MAGI2: variants seen among roughly 807,000 people sequenced by gnomAD.
The protein encoded by MAGI2 is membrane associated guanylate kinase, WW and PDZ domain containing 2.
In MAGI2, 35 loss-of-function variants were observed where a neutral mutation model predicts 133.3. The observed-to-expected ratio is 0.26, with a 90% CI of 0.20 to 0.35. The LOEUF (loss-of-function observed/expected upper bound fraction) is 0.35, where lower values mean the gene tolerates loss of function less well. Among genes scored for constraint, MAGI2 ranks in the 10% least tolerant of loss-of-function variants. MAGI2 has a pLI of 1.00. For synonymous variants in MAGI2, 729 were observed against 710.6 expected (o/e 1.03, Z -0.41); for missense variants, 1,636 against 1,863.4 (o/e 0.88, Z 2.25).
At chr7:78,917,513 T>C (rs1200503600) in intron 2 of MAGI2, among the ~76,000 whole-genome samples, 1 of 152,096 alleles carries the variant, frequency 6.6e-6, no homozygotes, top group Non-Finnish European at 1.5e-5. Context: ...GATGCATCTG[T>C]TCTTCCCGGT....
chr7:79,194,773 G>A (rs1827939608), intron 1 of MAGI2, among the ~76,000 whole-genome samples: 1 of 150,964 alleles, frequency 6.6e-6, no homozygotes, highest in South Asian at 2.1e-4. Flanking sequence ...TAGGTCTTCA[G>A]TTTGAAGACT....
intron 16 of MAGI2, among the ~76,000 whole-genome samples, chr7:78,149,667 CTA>C (rs1297109045): frequency 6.6e-6 from 1 of 152,200 alleles, no homozygotes; most frequent in East Asian, 1.9e-4. Flanking sequence ...TGCCAGAAAA[CTA>C]TAAGAACAAA....
intron 2 of MAGI2, among the ~76,000 whole-genome samples, chr7:78,629,938 C>A (rs191828284): frequency 1.3e-5 from 2 of 151,748 alleles, no homozygotes; most frequent in East Asian, 3.9e-4. Context: ...ATTTCTTTTC[C>A]TTTGCTTTTA....
Position 78,349,484 on chromosome 7 carries a change from C to T in MAGI2, c.1104-3441G>A, listed in dbSNP as rs183402194. The stretch of plus-strand genomic sequence containing the variant: ...ATGCAGTTATGCATACAACCCAGTT[C>T]CTCCAACTTTCCACCTGCATGTAAT... On this transcript the variant is annotated intron_variant, in intron 7 of 21. Coordinates refer to ENST00000354212, the MANE Select transcript of MAGI2 (RefSeq NM_012301.4). 1.3e-3 allele frequency among the ~76,000 whole-genome samples: 199 copies of T among 152,262 alleles called. 1 individual carries two copies. Among genetic ancestry groups the T allele is most frequent in the African/African-American group, 4.6e-3 (190 of 41,558 alleles).
At chr7:78,265,081 T>A (rs754524017) in intron 9 of MAGI2, among the ~76,000 whole-genome samples, 34 of 124,776 alleles carry the variant, frequency 2.7e-4, no homozygotes, top group Non-Finnish European at 4.9e-4. Flanking sequence ...TAAAAGCTTG[T>A]TTTTTTTTTT....
intron 2 of MAGI2, among the ~76,000 whole-genome samples, chr7:78,939,687 T>A (rs577408489): frequency 6.6e-6 from 1 of 152,302 alleles, no homozygotes; most frequent in South Asian, 2.1e-4. Flanking sequence ...TGAAACTTTG[T>A]GGGATGGGGA....
chr7:78,173,032 C>G (rs1360524135), intron 14 of MAGI2, among the ~76,000 whole-genome samples: 1 of 152,176 alleles, frequency 6.6e-6, no homozygotes, highest in Non-Finnish European at 1.5e-5. Flanking sequence ...TTAAATCATT[C>G]AAATGAAGGA....
In MAGI2 at chr7:78,647,182, G is replaced by C. The variant is rs141806688; in HGVS notation, c.419-19943C>G. Among the ~76,000 whole-genome samples, 799 of 152,180 alleles carry C rather than the reference G, an allele frequency of 5.3e-3. 6 individuals carry two copies. Among genetic ancestry groups the C allele is most frequent in the African/African-American group, 0.018 (742 of 41,526 alleles). On this transcript the variant is annotated intron_variant, in intron 2 of 21. Transcript: ENST00000354212. ...TAAACTAAAGAGCTTCTGCACAGCA[G>C]AACTATTATCAGAGTGAACAGGCAA...
intron 2 of MAGI2, among the ~76,000 whole-genome samples, chr7:78,711,965 A>G (rs901738341): frequency 1.3e-5 from 2 of 152,130 alleles, no homozygotes; most frequent in African/African-American, 4.8e-5. Context: ...TAAGCTTTCT[A>G]TCTTTCTTAT....
At position 79,009,364 on chromosome 7, in the gene MAGI2, A is replaced by G. The variant is rs140939438; in HGVS notation, c.302-2158T>C. Among the ~76,000 whole-genome samples, 351 of 152,246 alleles carry G rather than the reference A, an allele frequency of 2.3e-3. 1 individual carries two copies. The highest frequency in any genetic ancestry group is 8.3e-3 in the African/African-American group (343 of 41,572). On this transcript the variant is annotated intron_variant, in intron 1 of 21. Transcript: ENST00000354212. Reference sequence around the variant, plus strand: ...GAACTGTCGAAACTTTTAAGAATCAATATAAAATTTCCTTCACTAATTAAA... The same window carrying G: ...GAACTGTCGAAACTTTTAAGAATCAGTATAAAATTTCCTTCACTAATTAAA...
chr7:78,481,607 T>C (rs1444404135), intron 6 of MAGI2, among the ~76,000 whole-genome samples: 2 of 151,712 alleles, frequency 1.3e-5, no homozygotes, highest in East Asian at 1.9e-4. Flanking sequence ...AACCCATAGA[T>C]GAACAGAATC....
chr7:78,985,774 C>T (rs1805201173), intron 2 of MAGI2, among the ~76,000 whole-genome samples: 1 of 151,862 alleles, frequency 6.6e-6, no homozygotes, highest in African/African-American at 2.4e-5. Context: ...TCCTTGTGAC[C>T]CAAATAAAAT....
intron 12 of MAGI2, among the ~76,000 whole-genome samples, chr7:78,189,315 C>T (rs1388840405): frequency 6.6e-6 from 1 of 152,118 alleles, no homozygotes; most frequent in Non-Finnish European, 1.5e-5. Flanking sequence ...TACTAAAAAA[C>T]AGTTTGCTTC....
intron 9 of MAGI2, among the ~76,000 whole-genome samples, chr7:78,284,226 T>G (rs1795919004): frequency 6.6e-6 from 1 of 152,068 alleles, no homozygotes; most frequent in Non-Finnish European, 1.5e-5. Flanking sequence ...CCTAGGCAAA[T>G]GTTTTTTTAA....
At chr7:78,427,763 A>C (rs183306924) in intron 6 of MAGI2, among the ~76,000 whole-genome samples, 1 of 152,202 alleles carries the variant, frequency 6.6e-6, no homozygotes, top group East Asian at 1.9e-4. Context: ...TAAACTTCCA[A>C]ATTATATCCT....
At chr7:78,339,765 C>A (rs1265268666) in intron 9 of MAGI2, among the ~76,000 whole-genome samples, 1 of 152,172 alleles carries the variant, frequency 6.6e-6, no homozygotes, top group African/African-American at 2.4e-5. Context: ...CAGAGTTGGA[C>A]ACCCTCTAAC....
At chr7:78,737,455 T>C (rs958321371) in intron 2 of MAGI2, among the ~76,000 whole-genome samples, 2 of 152,176 alleles carry the variant, frequency 1.3e-5, no homozygotes, top group African/African-American at 4.8e-5. Context: ...TTTAAGAAAC[T>C]ACCACTAATC....
intron 1 of MAGI2, among the ~76,000 whole-genome samples, chr7:79,169,049 G>A (rs2129548387): frequency 1.3e-5 from 2 of 151,804 alleles, no homozygotes; most frequent in Middle Eastern, 3.4e-3. Flanking sequence ...CATTTCACTG[G>A]GGTTGAAGAA....
At chr7:79,065,349 A>G (rs769529308) in intron 1 of MAGI2, among the ~76,000 whole-genome samples, 1 of 152,134 alleles carries the variant, frequency 6.6e-6, no homozygotes, top group Non-Finnish European at 1.5e-5. Context: ...GCTAGAGGGC[A>G]GGAAGAATAT....
Sources: gnomAD v4.1 joint callset for allele counts (sites outside exome capture counted in the v4.1 genomes callset) on GRCh38, gnomAD v4.1.1 for gene constraint, MANE v1.5 for transcripts, NCBI Gene and HGNC (gene_info 2026-07-23, HGNC 2026-07-21) for gene names.